Variants in DLEC1 observed in about 807,000 individuals in gnomAD.
The protein encoded by DLEC1 is deleted in lung and esophageal cancer protein 1.
A neutral mutation model predicts 198.1 loss-of-function variants in DLEC1; 146 were observed. That is an observed-to-expected ratio of 0.74 (90% CI 0.64 to 0.85). DLEC1 has a LOEUF of 0.85. Among genes scored for constraint, DLEC1 ranks in the 40% least tolerant of loss-of-function variants. DLEC1 has a pLI of 0.00. For synonymous variants in DLEC1, 897 were observed against 866.8 expected (o/e 1.03, Z -0.61); for missense variants, 2,233 against 2,220.0 (o/e 1.01, Z -0.12).
Position 38,110,170 on chromosome 3 carries a change from G to T in DLEC1, c.3332G>T (p.Arg1111Leu), listed in dbSNP as rs371147939. ...DFGSAVPLRT[R>L]VTRQLILTNR... ...GGCTCAGCGGTGCCACTGAGGACCC[G>T]TGTGACTCGCCAGCTCATTCTCACC... The change falls in exon 23 of 37, where the codon CGT (arginine) becomes CTT (leucine). Residue 1111 changes from arginine to leucine, a missense_variant. By Grantham distance (102) the Arg-to-Leu change is moderately radical. Transcript: ENST00000308059. 2 of 1,614,190 alleles carry T rather than the reference G, an allele frequency of 1.2e-6. No individual in the cohort carries two copies. Among genetic ancestry groups the T allele is most frequent in the Non-Finnish European group, 1.7e-6 (2 of 1,180,034 alleles).
chr3:38,086,060 G>C (rs1298333577), intron 8 of DLEC1, among the ~76,000 whole-genome samples, 181 bp from the exon 9 acceptor site: 1 of 152,254 alleles, frequency 6.6e-6, no homozygotes, highest in Non-Finnish European at 1.5e-5. Flanking sequence ...GCCAGCAGCA[G>C]CCTGGGCAGA....
At chr3:38,087,600 TCCATCAGCACTGACACCATCCATTAGC>T (rs1698534825) in intron 9 of DLEC1, among the ~76,000 whole-genome samples, 1 of 152,070 alleles carries the variant, frequency 6.6e-6, no homozygotes, top group African/African-American at 2.4e-5. Context: ...GCTCACACCA[TCCATCAGCACTGACACCATCCATTAGC>T]ATGCTCACAC....
At chr3:38,059,429 G>A (rs1175907039) in intron 2 of DLEC1, among the ~76,000 whole-genome samples, 1 of 152,180 alleles carries the variant, frequency 6.6e-6, no homozygotes, top group Non-Finnish European at 1.5e-5. Context: ...TCAAGGGCCT[G>A]GATATAGACA....
At chr3:38,114,683 C>T (rs894179140) in intron 26 of DLEC1, among the ~76,000 whole-genome samples, 6 of 152,104 alleles carry the variant, frequency 3.9e-5, no homozygotes, top group East Asian at 3.9e-4. Context: ...GCAGAAGTGG[C>T]GAGTAGTCAG....
At chr3:38,116,333 C>T (rs1700155361) in intron 27 of DLEC1, 120 bp from the exon 28 acceptor site, 1 of 913,488 alleles carries the variant, frequency 1.1e-6, no homozygotes, top group African/African-American at 1.7e-5. Flanking sequence ...AGAGAGGCAC[C>T]CCCTCCACCT....
chr3:38,088,527 C>T (rs1698583117), intron 10 of DLEC1, 139 bp downstream of exon 10: 2 of 732,720 alleles, frequency 2.7e-6, no homozygotes, highest in Non-Finnish European at 4.5e-6. Context: ...TTCTTGCATT[C>T]TGTAGGGTGA....
rs553896406 is a variant in DLEC1, at chr3:38,046,493, T to A, written c.562+800T>A. 8.5e-5 allele frequency among the ~76,000 whole-genome samples: 13 copies of A among 152,256 alleles called. No individual in the cohort carries two copies. In the East Asian group the frequency reaches 2.5e-3, roughly 29 times the overall value. Reference sequence around the variant, plus strand: ...TCGCTCATGTAAGACATGCCTTTGCTCCTCCTTCACCTTCTACCATGATTG... The same window carrying A: ...TCGCTCATGTAAGACATGCCTTTGCACCTCCTTCACCTTCTACCATGATTG... On this transcript the variant is annotated intron_variant, in intron 2 of 36. Transcript: ENST00000308059.
Position 38,122,088 on chromosome 3 carries a change from A to G in DLEC1, c.5038A>G (p.Lys1680Glu). 1 of 1,614,064 alleles carries G rather than the reference A, an allele frequency of 6.2e-7. No individual in the cohort carries two copies. Among genetic ancestry groups the G allele is most frequent in the Middle Eastern group, 1.7e-4 (1 of 6,058 alleles). ...TGGTGCAGGCCAGCAGGAGCCAGCC[A>G]AGGCCGCTGTGGCCTTCAGGGTCTC... ...TMLMGQQEPA[K>E]AAVAFRVSPN... The change falls in exon 36 of 37, where the codon AAG (lysine) becomes GAG (glutamate). Residue 1680 changes from lysine to glutamate, a missense_variant. Lys to Glu is a moderately conservative substitution (Grantham distance 56). Transcript: ENST00000308059.
rs983346608 is a variant in DLEC1 at position 38,122,160 on chromosome 3, A to C, written c.5110A>C (p.Thr1704Pro). ...AGCACGATCCGCCAATGCACCCCCA[A>C]CCTCCATCGCCTTGCAGGTTTTCTT... ...LEARSANAPP[T>P]SIALQVFFTA... The change falls in exon 36 of 37, where the codon ACC becomes CCC. Residue 1704 changes from threonine to proline, a missense_variant. Coordinates refer to ENST00000308059, the MANE Select transcript of DLEC1 (RefSeq NM_007335.4). The C allele has an allele frequency of 6.2e-7, 1 of 1,613,834 alleles. No individual in the cohort carries two copies.
Position 38,121,789 on chromosome 3 carries a change from C to T in DLEC1, c.5020+8C>T, listed in dbSNP as rs375857537. 2.5e-6 allele frequency: 4 copies of T among 1,613,466 alleles called. No individual in the cohort carries two copies. The highest frequency in any genetic ancestry group is 3.4e-6 in the Non-Finnish European group (4 of 1,179,538). ...ACTGGACTATGCTGATGGGTATGTC[C>T]TACCCTGCCACCTACCCACCGTTCC... On this transcript the variant is annotated splice_region_variant and intron_variant, in intron 35 of 36. Coordinates refer to ENST00000308059, the MANE Select transcript of DLEC1 (RefSeq NM_007335.4).
chr3:38,064,073 A>T (rs554963275), intron 6 of DLEC1, among the ~76,000 whole-genome samples, 154 bp downstream of exon 6: 2 of 141,296 alleles, frequency 1.4e-5, no homozygotes, highest in South Asian at 4.4e-4. Context: ...GGGATTTGGC[A>T]GGGTCTAGGA....
chr3:38,097,333 T>G (rs1699080133), intron 16 of DLEC1, 58 bp downstream of exon 16: 1 of 1,547,608 alleles, frequency 6.5e-7, no homozygotes, highest in Admixed American at 2.0e-5. Context: ...CAGGAAGAAA[T>G]CTTCAGAGTT....
chr3:38,116,191 T>C lies in DLEC1; in HGVS notation c.3857-262T>C, dbSNP rs563640077. ...TGTGGGAGAGAGCAGAGCACCTGCA[T>C]TCAGGCATCTGGACATGGAGACCTG... On this transcript the variant is annotated intron_variant, in intron 27 of 36. Transcript: ENST00000308059. Among the ~76,000 whole-genome samples, 63 of 152,264 alleles carry C rather than the reference T, an allele frequency of 4.1e-4. No individual in the cohort carries two copies. In the South Asian group the frequency reaches 9.5e-3, roughly 23 times the overall value.
chr3:38,123,563 C>T lies in DLEC1; in HGVS notation c.*1151C>T. The T allele has an allele frequency of 5.9e-6, 1 of 169,372 alleles. No individual in the cohort carries two copies. Among genetic ancestry groups the T allele is most frequent in the Non-Finnish European group, 1.3e-5 (1 of 78,866 alleles). The allele number at this position is 169,372 out of a possible 1,614,324, so 10.5% of individuals were successfully genotyped here. The stretch of plus-strand genomic sequence containing the variant: ...TGGAAAAAATAATTTGGAAGCCTGG[C>T]CTGGTGGCATCTACTTGTAGTCCCA... On this transcript the variant is annotated 3_prime_UTR_variant, in exon 37 of 37. Transcript: ENST00000308059.
chr3:38,109,617 C>T (rs755768204), intron 22 of DLEC1, 55 bp downstream of exon 22: 67 of 1,610,246 alleles, frequency 4.2e-5, no homozygotes, highest in Admixed American at 8.3e-5. Context: ...ATGAGGCAGC[C>T]GCGCCCAGGA....
chr3:38,059,462 TA>T (rs143742563), intron 2 of DLEC1, among the ~76,000 whole-genome samples: 2,722 of 152,358 alleles, frequency 0.018, 88 homozygotes, highest in African/African-American at 0.062. Flanking sequence ...TGGGACCTTT[TA>T]TTCAATCTAC....
In DLEC1 at chr3:38,050,555, G is replaced by T. The variant is rs553443820; in HGVS notation, c.562+4862G>T. ...AAAGCAAGTGAGAGTGGGGGTTTTG[G>T]GGGGGCCAGGTGAGCTAATATAGTG... On this transcript the variant is annotated intron_variant, in intron 2 of 36. Coordinates refer to ENST00000308059, the MANE Select transcript of DLEC1 (RefSeq NM_007335.4). Among the ~76,000 whole-genome samples the T allele has an allele frequency of 2.2e-4, 34 of 152,092 alleles. No homozygotes were observed. The South Asian group carries it at 4.6e-3, about 20-fold the overall frequency.
chr3:38,097,830 G>A lies in DLEC1; in HGVS notation c.2652G>A (p.Arg884=), dbSNP rs551671817. The change falls in exon 18 of 37, where the codon CGG becomes CGA. Residue 884 remains arginine (R), a synonymous_variant. Transcript: ENST00000308059. ...AAGCCACAAACTCCATCCAGATCCGGAACGTCAGCCAGCTCCCAGCCACAT... is the reference window on the plus strand; with the variant it reads ...AAGCCACAAACTCCATCCAGATCCGAAACGTCAGCCAGCTCCCAGCCACAT... ...GQKATNSIQI[R]NVSQLPATWR... The A allele has an allele frequency of 3.0e-5, 49 of 1,614,204 alleles. No individual in the cohort carries two copies. In the South Asian group the frequency reaches 4.8e-4, roughly 16 times the overall value.
chr3:38,109,085 A>G lies in DLEC1; in HGVS notation c.3130-347A>G, dbSNP rs545260889. On this transcript the variant is annotated intron_variant, in intron 21 of 36. Transcript: ENST00000308059. Reference sequence around the variant, plus strand: ...CTGAGCTCTGGGACGACAGACAGGCAGGCCCAGGTGTGGAACAGATCTTGC... The same window carrying G: ...CTGAGCTCTGGGACGACAGACAGGCGGGCCCAGGTGTGGAACAGATCTTGC... Among the ~76,000 whole-genome samples the G allele has an allele frequency of 5.3e-5, 8 of 152,348 alleles. No homozygotes were observed. The East Asian group carries it at 1.3e-3, about 26-fold the overall frequency.
Sources: gnomAD v4.1 joint callset for allele counts (sites outside exome capture counted in the v4.1 genomes callset) on GRCh38, gnomAD v4.1.1 for gene constraint, MANE v1.5 for transcripts, NCBI Gene and HGNC (gene_info 2026-07-23, HGNC 2026-07-21) for gene names.